Variants in SMARCA2 observed in about 807,000 individuals in gnomAD.
SMARCA2 encodes SWI/SNF-related matrix-associated actin-dependent regulator of chromatin subfamily A member 2.
In SMARCA2, 61 loss-of-function variants were observed where a neutral mutation model predicts 199.8. That is an observed-to-expected ratio of 0.31 (90% CI 0.25 to 0.38). SMARCA2 has a LOEUF of 0.38. Ranked by LOEUF, SMARCA2 falls within the 10% of genes least tolerant of loss-of-function variation. SMARCA2 has a pLI of 1.00. For synonymous variants in SMARCA2, 935 were observed against 732.0 expected, an observed-to-expected ratio of 1.28 and a Z score of -4.48; for missense variants, 1,344 against 2,012.2, an observed-to-expected ratio of 0.67 and a Z score of 6.35.
intron 4 of SMARCA2, chr9:2,043,498 T>G (rs1203261203): frequency 6.6e-6 from 1 of 152,216 alleles, no homozygotes; most frequent in African/African-American, 2.4e-5. Flanking sequence ...CTGAAAAAAT[T>G]TGGGGTTTTT....
At chr9:2,023,391 A>G (rs927062959) in intron 1 of SMARCA2, among the ~76,000 whole-genome samples, 1 of 152,236 alleles carries the variant, frequency 6.6e-6, no homozygotes, top group African/African-American at 2.4e-5. Flanking sequence ...CAAGGAACAG[A>G]GCAAAGTTTT....
intron 4 of SMARCA2, among the ~76,000 whole-genome samples, chr9:2,046,937 T>A (rs1276770581): frequency 2.0e-5 from 3 of 152,196 alleles, no homozygotes; most frequent in Non-Finnish European, 4.4e-5. Flanking sequence ...TGCACCCGTG[T>A]TCGTTAGTGA....
intron 27 of SMARCA2, among the ~76,000 whole-genome samples, chr9:2,134,202 TG>T (rs1824093940): frequency 6.6e-6 from 1 of 152,194 alleles, no homozygotes; most frequent in African/African-American, 2.4e-5. Flanking sequence ...AAGGTAAAAT[TG>T]GGAATCAAGA....
At chr9:2,105,223 G>T (rs1822698337) in intron 23 of SMARCA2, among the ~76,000 whole-genome samples, 1 of 151,474 alleles carries the variant, frequency 6.6e-6, no homozygotes, top group Non-Finnish European at 1.5e-5. Context: ...TATACCATTT[G>T]ACAAACTTGA....
chr9:2,144,614 C>T (rs1027342620), intron 27 of SMARCA2, among the ~76,000 whole-genome samples: 1 of 152,188 alleles, frequency 6.6e-6, no homozygotes, highest in Non-Finnish European at 1.5e-5. Flanking sequence ...AGAAAGCACT[C>T]ACCATATGGA....
chr9:2,153,141 G>T (rs2130725746), intron 27 of SMARCA2, among the ~76,000 whole-genome samples: 1 of 152,278 alleles, frequency 6.6e-6, no homozygotes, highest in Admixed American at 6.5e-5. Flanking sequence ...AATGTTGGAA[G>T]CCAACCCAAA....
chr9:2,160,113 A>G (rs1586770348), intron 27 of SMARCA2: 3 of 627,260 alleles, frequency 4.8e-6, no homozygotes, highest in Non-Finnish European at 7.8e-6. Flanking sequence ...TATGCGGGAC[A>G]ATTTCCTTTT....
chr9:2,181,534 A>T, intron 29 of SMARCA2, 37 bp from the exon 30 acceptor site: 1 of 964,426 alleles, frequency 1.0e-6, no homozygotes, highest in South Asian at 1.3e-5. Flanking sequence ...GTAATGTTTG[A>T]TGTGGCTTGT....
At chr9:2,188,050 G>T (rs956748531) in intron 32 of SMARCA2, among the ~76,000 whole-genome samples, 11 of 152,092 alleles carry the variant, frequency 7.2e-5, no homozygotes, top group African/African-American at 2.7e-4. Flanking sequence ...TATATTAAAA[G>T]TATAGACATG....
intron 27 of SMARCA2, among the ~76,000 whole-genome samples, chr9:2,130,278 CT>C (rs1823884414): frequency 6.6e-6 from 1 of 152,246 alleles, no homozygotes; most frequent in Non-Finnish European, 1.5e-5. Context: ...TACGTGGCAA[CT>C]TCCTGTTCCC....
chr9:2,114,834 G>T (rs1432274528), intron 24 of SMARCA2, among the ~76,000 whole-genome samples: 1 of 152,146 alleles, frequency 6.6e-6, no homozygotes, highest in Admixed American at 6.5e-5. Flanking sequence ...GATTTACGTT[G>T]TTGGCATGTT....
In SMARCA2 at chr9:2,155,505, A is replaced by C. The variant is rs183637617; in HGVS notation, c.3982-6181A>C. Among the ~76,000 whole-genome samples, 556 of 151,966 alleles carry C rather than the reference A, an allele frequency of 3.7e-3. 1 individual carries two copies. The highest frequency in any genetic ancestry group is 0.012 in the African/African-American group (491 of 41,478). On this transcript the variant is annotated intron_variant, in intron 27 of 33. Transcript: ENST00000349721. ...ACCATATTGGCCAGGCTGGTCTCGA[A>C]CTCCTGACCTTGTGATCCACCCGCC...
In SMARCA2 at chr9:2,161,943, A is replaced by G. The variant is rs1380993063; in HGVS notation, c.4199+40A>G. On this transcript the variant is annotated intron_variant, in intron 28 of 33. Coordinates refer to ENST00000349721, the MANE Select transcript of SMARCA2 (RefSeq NM_003070.5). This position sits in a 1 kb window ranked among gnomAD's most constrained non-coding sequence, Gnocchi z 4.7. ...CCTTCACCTTGATCATCTCTCACCA[A>G]GACGCCGAGTGGCGCTCCCTGAGGA... The G allele has an allele frequency of 6.4e-7, 1 of 1,552,362 alleles. No individual in the cohort carries two copies. The highest frequency in any genetic ancestry group is 2.3e-5 in the East Asian group (1 of 44,390).
intron 27 of SMARCA2, among the ~76,000 whole-genome samples, chr9:2,143,618 A>T (rs59028650): frequency 2.0e-5 from 3 of 152,106 alleles, no homozygotes; most frequent in African/African-American, 7.2e-5. Context: ...GGTAAACTAT[A>T]TGATGACAAA....
chr9:2,107,249 G>T (rs1206626129), intron 23 of SMARCA2, among the ~76,000 whole-genome samples: 5 of 152,148 alleles, frequency 3.3e-5, no homozygotes, highest in Admixed American at 2.6e-4. Context: ...CCATAGCTTT[G>T]TATGAAAAAT....
intron 19 of SMARCA2, among the ~76,000 whole-genome samples, chr9:2,095,171 C>T (rs548875006): frequency 9.2e-5 from 14 of 151,856 alleles, no homozygotes; most frequent in African/African-American, 2.4e-4. Flanking sequence ...CTGCAACCTC[C>T]GCCTCCCGGG....
intron 27 of SMARCA2, chr9:2,159,456 TA>T (rs548598571): frequency 4.7e-6 from 1 of 210,840 alleles, no homozygotes; most frequent in Non-Finnish European, 9.6e-6. Context: ...TGCTATTTTT[TA>T]AAAAATAAGG....
rs556514436 is a variant in SMARCA2, at chr9:2,146,279, A to G, written c.3982-15407A>G. ...CCAATCATGACCTAATCACCTCCCA[A>G]AGGCCCCACCTCCTAATACCATCAC... On this transcript the variant is annotated intron_variant, in intron 27 of 33. Coordinates refer to ENST00000349721, the MANE Select transcript of SMARCA2 (RefSeq NM_003070.5). 1.8e-3 allele frequency among the ~76,000 whole-genome samples: 269 copies of G among 152,222 alleles called. 1 individual carries two copies. The highest frequency in any genetic ancestry group is 6.1e-3 in the African/African-American group (254 of 41,542).
chr9:2,037,337 CTG>C (rs1287890438), intron 3 of SMARCA2, among the ~76,000 whole-genome samples: 9 of 152,304 alleles, frequency 5.9e-5, no homozygotes, highest in Admixed American at 3.3e-4. Context: ...CCAACTAAAA[CTG>C]TAATCACTGC....
Sources: allele counts gnomAD v4.1 joint callset (sites outside exome capture counted in the v4.1 genomes callset), GRCh38; gene constraint gnomAD v4.1.1; non-coding constraint Gnocchi (gnomAD v3.1); transcripts MANE v1.5; gene names NCBI Gene and HGNC (gene_info 2026-07-23, HGNC 2026-07-21).